ZNF83: variants seen among roughly 807,000 people sequenced by gnomAD.
The protein encoded by ZNF83 is zinc finger protein 816B.
For synonymous variants in ZNF83, 209 were observed against 213.0 expected (o/e 0.98, Z 0.17); for missense variants, 552 against 629.9 (o/e 0.88, Z 1.32).
rs1444358978 is a variant in ZNF83 at position 52,614,509 on chromosome 19, A to C, written c.56T>G (p.Leu19Ter). Reference sequence around the variant, plus strand: ...TTCTGGTAGATGTGACTGCGGGTTTAATCCAAGCTGATTTTTAACAGGCTG... The same window carrying C: ...TTCTGGTAGATGTGACTGCGGGTTTCATCCAAGCTGATTTTTAACAGGCTG... Residue 19 changes from leucine to a stop codon, truncating the protein, a stop_gained, in exon 3 of 3, where the codon TTA becomes TGA. Transcript: ENST00000301096. LOFTEE classifies it low-confidence loss of function (END_TRUNC). The C allele has an allele frequency of 6.2e-7, 1 of 1,604,148 alleles. No individual in the cohort carries two copies. The highest frequency in any genetic ancestry group is 1.1e-5 in the South Asian group (1 of 90,416).
intron 1 of ZNF83, among the ~76,000 whole-genome samples, chr19:52,680,253 G>A (rs1251007880): frequency 6.6e-6 from 1 of 152,134 alleles, no homozygotes; most frequent in Admixed American, 6.5e-5. Context: ...AGCCAAGATA[G>A]ACAAGAGCAG....
At chr19:52,644,555 T>C (rs1486869236) in intron 3 of ZNF83, among the ~76,000 whole-genome samples, 2 of 152,164 alleles carry the variant, frequency 1.3e-5, no homozygotes, top group Admixed American at 6.5e-5. Flanking sequence ...AAAACCTCTT[T>C]TGCAAGGTTC....
At chr19:52,666,031 A>G (rs2061646166) in intron 1 of ZNF83, among the ~76,000 whole-genome samples, 1 of 151,720 alleles carries the variant, frequency 6.6e-6, no homozygotes, top group South Asian at 2.1e-4. Flanking sequence ...GGGCATGGTG[A>G]TGGGTGCCTG....
intron 2 of ZNF83, chr19:52,617,918 A>G (rs1015304): frequency 0.4 from 60,850 of 152,190 alleles, 12,840 homozygotes; most frequent in African/African-American, 0.54. Flanking sequence ...AGAAGACATT[A>G]CAGATGGACT....
intron 1 of ZNF83, among the ~76,000 whole-genome samples, chr19:52,667,333 T>G (rs1326714071): frequency 6.6e-6 from 1 of 152,104 alleles, no homozygotes; most frequent in African/African-American, 2.4e-5. Flanking sequence ...AAGGGATGTT[T>G]GCAACAATTC....
chr19:52,677,329 A>AAAT (rs1555791128), intron 1 of ZNF83, among the ~76,000 whole-genome samples: 3 of 129,142 alleles, frequency 2.3e-5, no homozygotes, highest in Admixed American at 8.0e-5. Context: ...AAAAAAAAAA[A>AAAT]ACAAAAATTA....
intron 3 of ZNF83, chr19:52,654,121 G>C: frequency 1.9e-6 from 3 of 1,605,382 alleles, no homozygotes; most frequent in Non-Finnish European, 2.6e-6. Context: ...ATAAAAGCTT[G>C]ATCCAAGCTG....
rs1346555908 is a variant in ZNF83, at chr19:52,620,268, C to CTGTGTGTGTG, written c.-233-5472_-233-5471insCACACACACA. Among the ~76,000 whole-genome samples, 587 of 121,246 alleles carry CTGTGTGTGTG rather than the reference C, an allele frequency of 4.8e-3. 3 individuals carry two copies. The highest frequency in any genetic ancestry group is 9.3e-3 in the Middle Eastern group (2 of 216). 79.5% of individuals were successfully genotyped at this position (121,246 alleles called of 152,430 possible). ...TGTGTGTATATCTGTGTGTGTATATCTCTGTGTGTGTGTGTGTGTGTGTGT... is the reference window on the plus strand; with the variant it reads ...TGTGTGTATATCTGTGTGTGTATATCTGTGTGTGTGTCTGTGTGTGTGTGTGTGTGTGTGT... On this transcript the variant is annotated intron_variant, in intron 2 of 2. Transcript: ENST00000301096.
chr19:52,654,265 A>G, intron 3 of ZNF83: 2 of 1,560,446 alleles, frequency 1.3e-6, no homozygotes, highest in South Asian at 2.2e-5. Context: ...AAAGTCATGA[A>G]TATCTTTCTT....
At chr19:52,685,044 C>A (rs143524851) in intron 1 of ZNF83, among the ~76,000 whole-genome samples, 1,558 of 152,278 alleles carry the variant, frequency 0.01, 25 homozygotes, top group African/African-American at 0.035. Context: ...CTGAGTCTAC[C>A]GCTCTGTTTC....
Position 52,666,765 on chromosome 19 carries a change from A to C in ZNF83, c.-282-5922T>G, listed in dbSNP as rs567756818. Among the ~76,000 whole-genome samples, 6 of 152,310 alleles carry C rather than the reference A, an allele frequency of 3.9e-5. No individual in the cohort carries two copies. In the South Asian group the frequency reaches 1.2e-3, roughly 32 times the overall value. The stretch of plus-strand genomic sequence containing the variant: ...AGCAGGTTTTCTAACAGGGGGTCTA[A>C]ATCTTAATTATTTACCATGCAAAGG... On this transcript the variant is annotated intron_variant, in intron 1 of 5. Transcript: ENST00000594682.
chr19:52,658,136 C>CAA (rs34503824), intron 2 of ZNF83, among the ~76,000 whole-genome samples: 15 of 103,784 alleles, frequency 1.4e-4, no homozygotes, highest in African/African-American at 2.0e-4. Flanking sequence ...AACTTCATCT[C>CAA]AAAAAAAAAA....
intron 1 of ZNF83, among the ~76,000 whole-genome samples, chr19:52,683,484 G>C (rs1168142836): frequency 1.1e-5 from 1 of 88,500 alleles, no homozygotes; most frequent in Admixed American, 9.6e-5. Context: ...TGCCCCTCAG[G>C]TCCCTGACCT....
intron 2 of ZNF83, among the ~76,000 whole-genome samples, chr19:52,619,459 G>C (rs1383226474): frequency 6.6e-6 from 1 of 151,940 alleles, no homozygotes; most frequent in Non-Finnish European, 1.5e-5. Context: ...AACTCTGTCT[G>C]TACTAAAAAT....
At chr19:52,672,334 A>C (rs373191353) in intron 1 of ZNF83, among the ~76,000 whole-genome samples, 2 of 152,384 alleles carry the variant, frequency 1.3e-5, no homozygotes, top group Middle Eastern at 3.4e-3. Context: ...ACTATGAACT[A>C]TGTTTTTCTC....
At chr19:52,674,674 GA>G (rs1445775937) in intron 1 of ZNF83, among the ~76,000 whole-genome samples, 34 of 151,366 alleles carry the variant, frequency 2.2e-4, no homozygotes, top group African/African-American at 8.4e-4. Context: ...ATTTTCTAGA[GA>G]ATTTAAACTA....
At chr19:52,687,752 G>A (rs150632506) in intron 1 of ZNF83, among the ~76,000 whole-genome samples, 1,638 of 145,286 alleles carry the variant, frequency 0.011, 35 homozygotes, top group African/African-American at 0.039. Flanking sequence ...TTGACCCCAG[G>A]GGGCCAAGGC....
At chr19:52,667,485 T>C (rs1166352170) in intron 1 of ZNF83, among the ~76,000 whole-genome samples, 1 of 152,194 alleles carries the variant, frequency 6.6e-6, no homozygotes, top group Non-Finnish European at 1.5e-5. Context: ...AAACAGTTTA[T>C]GTGCAAGTTG....
At chr19:52,666,189 G>A (rs2061649998) in intron 1 of ZNF83, among the ~76,000 whole-genome samples, 1 of 150,352 alleles carries the variant, frequency 6.7e-6, no homozygotes, top group African/African-American at 2.4e-5. Flanking sequence ...GAAAGAGACA[G>A]AGAGTCAAAG....
Sources: allele counts gnomAD v4.1 joint callset (sites outside exome capture counted in the v4.1 genomes callset), GRCh38; gene constraint gnomAD v4.1.1; transcripts MANE v1.5; gene names NCBI Gene and HGNC (gene_info 2026-07-23, HGNC 2026-07-21).